The following PTPRT variants were observed in gnomAD, a reference collection of about 807,000 sequenced individuals.
The protein encoded by PTPRT is protein tyrosine phosphatase receptor type T, also known as receptor-type tyrosine-protein phosphatase T.
PTPRT carries 56 observed loss-of-function variants against 176.8 expected under a neutral mutation model. That is an observed-to-expected ratio of 0.32 (90% CI 0.26 to 0.40). The LOEUF (loss-of-function observed/expected upper bound fraction) is 0.40. Ranked by LOEUF, PTPRT falls within the 10% of genes least tolerant of loss-of-function variation. The pLI is 1.00. For missense variants in PTPRT, 1,540 were observed against 1,908.2 expected (o/e 0.81, Z 3.60); for synonymous variants, 783 against 739.0 (o/e 1.06, Z -0.96).
At chr20:42,729,889 G>A (rs555502006) in intron 6 of PTPRT, among the ~76,000 whole-genome samples, 1 of 152,252 alleles carries the variant, frequency 6.6e-6, no homozygotes, top group African/African-American at 2.4e-5. Context: ...ATTTGGCCTG[G>A]ACTTCCCTTG....
At chr20:42,143,622 G>C (rs75205006) in intron 17 of PTPRT, among the ~76,000 whole-genome samples, 3,135 of 151,758 alleles carry the variant, frequency 0.021, 107 homozygotes, top group African/African-American at 0.071. Context: ...TGGACTCTTA[G>C]ACCGTGGTGG....
Position 42,352,293 on chromosome 20 carries a change from A to G in PTPRT, c.1561-8T>C. 1 of 1,613,952 alleles carries G rather than the reference A, an allele frequency of 6.2e-7. No individual in the cohort carries two copies. The highest frequency in any genetic ancestry group is 8.5e-7 in the Non-Finnish European group (1 of 1,179,888). On this transcript the variant is annotated splice_polypyrimidine_tract_variant and splice_region_variant and intron_variant, in intron 9 of 30. Coordinates refer to ENST00000373187, the MANE Select transcript of PTPRT (RefSeq NM_007050.6). ...GACAGCCTTGTAGTTGATCTGTAGGACAAGCCAGCAAACAAACAAACAAAT... is the reference window on the plus strand; with the variant it reads ...GACAGCCTTGTAGTTGATCTGTAGGGCAAGCCAGCAAACAAACAAACAAAT...
Position 42,345,123 on chromosome 20 carries a change from T to C in PTPRT, c.1865+5505A>G, listed in dbSNP as rs146600760. Among the ~76,000 whole-genome samples the C allele has an allele frequency of 6.7e-3, 1,017 of 152,194 alleles. 15 individuals carry two copies. Among genetic ancestry groups the C allele is most frequent in the African/African-American group, 0.023 (940 of 41,540 alleles). On this transcript the variant is annotated intron_variant, in intron 11 of 30. Coordinates refer to ENST00000373187, the MANE Select transcript of PTPRT (RefSeq NM_007050.6). The stretch of plus-strand genomic sequence containing the variant: ...TTTCTTTTTCTGATTGTCTTTCCTG[T>C]AGACCTTTACCATCCAAAATGGCAG...
At chr20:43,087,941 C>G (rs1483616695) in intron 1 of PTPRT, among the ~76,000 whole-genome samples, 2 of 152,116 alleles carry the variant, frequency 1.3e-5, no homozygotes, top group African/African-American at 4.8e-5. Flanking sequence ...AAAATTACAG[C>G]TAGATAAGAG....
chr20:42,613,563 C>G (rs1319624941), intron 7 of PTPRT, among the ~76,000 whole-genome samples: 1 of 152,132 alleles, frequency 6.6e-6, no homozygotes, highest in Non-Finnish European at 1.5e-5. Flanking sequence ...TTGCAAATAC[C>G]TTGGCTATGA....
intron 7 of PTPRT, among the ~76,000 whole-genome samples, chr20:42,523,547 A>C (rs1425446129): frequency 6.6e-6 from 1 of 152,142 alleles, no homozygotes; most frequent in Non-Finnish European, 1.5e-5. Flanking sequence ...GTGTGAGGGA[A>C]TTTGGAAAAT....
chr20:42,174,119 T>C (rs1424693762), intron 16 of PTPRT, among the ~76,000 whole-genome samples: 1 of 152,202 alleles, frequency 6.6e-6, no homozygotes, highest in African/African-American at 2.4e-5. Context: ...GAAAGATTAA[T>C]ATTATTGGAA....
At chr20:42,069,949 A>G (rs748184463), downstream of PTPRT, among the ~76,000 whole-genome samples, 17 of 152,196 alleles carry the variant, frequency 1.1e-4, no homozygotes, top group Non-Finnish European at 2.2e-4. Flanking sequence ...CTGAATGTCA[A>G]TGATGAGTCC....
At chr20:42,115,085 G>A in intron 22 of PTPRT, 114 bp downstream of exon 22, 1 of 742,814 alleles carries the variant, frequency 1.3e-6, no homozygotes. Flanking sequence ...TCTGTTGCTG[G>A]TGCCAAGTAT....
chr20:42,823,200 T>C (rs957526945), intron 2 of PTPRT, among the ~76,000 whole-genome samples: 2 of 152,228 alleles, frequency 1.3e-5, no homozygotes, highest in African/African-American at 4.8e-5. Context: ...TGGAATACTA[T>C]GCAGCCATAA....
At chr20:42,786,579 G>A (rs529804661) in intron 3 of PTPRT, among the ~76,000 whole-genome samples, 8 of 152,266 alleles carry the variant, frequency 5.3e-5, no homozygotes, top group African/African-American at 1.9e-4. Flanking sequence ...CTCATAGGGT[G>A]TGAACATAGG....
intron 9 of PTPRT, among the ~76,000 whole-genome samples, chr20:42,364,999 G>C (rs568562132): frequency 1.3e-5 from 2 of 152,304 alleles, no homozygotes; most frequent in African/African-American, 4.8e-5. Flanking sequence ...AATAGGATGT[G>C]AGCCACATTT....
intron 2 of PTPRT, among the ~76,000 whole-genome samples, chr20:42,800,783 A>G (rs2077519788): frequency 6.6e-6 from 1 of 152,148 alleles, no homozygotes; most frequent in Non-Finnish European, 1.5e-5. Context: ...GAGATGACTA[A>G]TCCTGTTAAA....
intron 1 of PTPRT, among the ~76,000 whole-genome samples, chr20:43,100,543 C>T (rs1043290006): frequency 1.3e-5 from 2 of 152,212 alleles, no homozygotes; most frequent in South Asian, 2.1e-4. Flanking sequence ...TAGGCCTTGA[C>T]ATAGAACCTG....
At position 42,710,198 on chromosome 20, in the gene PTPRT, C is replaced by T. The variant is rs1271956602; in HGVS notation, c.860-32039G>A. Among the ~76,000 whole-genome samples the T allele has an allele frequency of 2.0e-5, 3 of 152,088 alleles. No homozygotes were observed. In the East Asian group the frequency reaches 5.8e-4, roughly 29 times the overall value. On this transcript the variant is annotated intron_variant, in intron 6 of 30. Transcript: ENST00000373187. The stretch of plus-strand genomic sequence containing the variant: ...TTTTCAGAAGAGGAATTCAAGTGGG[C>T]TATAGAGAAACCATTTGCTAGAGAG...
intron 1 of PTPRT, among the ~76,000 whole-genome samples, chr20:43,118,228 G>C (rs1324641829): frequency 6.6e-6 from 1 of 152,142 alleles, no homozygotes; most frequent in Non-Finnish European, 1.5e-5. Flanking sequence ...AATGGATTCA[G>C]CCCATGGGCC....
chr20:42,245,796 G>C (rs957537118), intron 14 of PTPRT, among the ~76,000 whole-genome samples: 2 of 152,092 alleles, frequency 1.3e-5, no homozygotes, highest in Non-Finnish European at 2.9e-5. Flanking sequence ...GGAAACATCT[G>C]TGGTTATAGC....
chr20:42,139,710 G>C (rs991293149), intron 18 of PTPRT, among the ~76,000 whole-genome samples: 5 of 152,242 alleles, frequency 3.3e-5, no homozygotes, highest in African/African-American at 9.6e-5. Context: ...AGCAAGCTCA[G>C]AGTCTCAGGC....
At chr20:42,141,857 C>T (rs936133657) in intron 18 of PTPRT, 58 bp downstream of exon 18, 1 of 1,433,666 alleles carries the variant, frequency 7.0e-7, no homozygotes, top group Non-Finnish European at 9.8e-7. Context: ...TAGTAATAGC[C>T]TCTTTTCCCC....
Sources: allele counts gnomAD v4.1 joint callset (sites outside exome capture counted in the v4.1 genomes callset), GRCh38; gene constraint gnomAD v4.1.1; transcripts MANE v1.5; gene names NCBI Gene and HGNC (gene_info 2026-07-23, HGNC 2026-07-21).